Variants in LPAR1 observed in about 807,000 individuals in gnomAD.
The protein encoded by LPAR1 is LPA receptor 1.
LPAR1 carries 5 observed loss-of-function variants against 23.8 expected under a neutral mutation model. That is an observed-to-expected ratio of 0.21 (90% CI 0.11 to 0.44). The LOEUF (loss-of-function observed/expected upper bound fraction) is 0.44. Ranked by LOEUF, LPAR1 falls within the 20% of genes least tolerant of loss-of-function variation. The pLI is 0.99. For missense variants in LPAR1, 311 were observed against 482.8 expected, an observed-to-expected ratio of 0.64 and a Z score of 3.33; for synonymous variants, 160 against 164.7, an observed-to-expected ratio of 0.97 and a Z score of 0.22.
chr9:110,947,428 G>A (rs1431489519), intron 4 of LPAR1, among the ~76,000 whole-genome samples: 1 of 152,160 alleles, frequency 6.6e-6, no homozygotes, highest in Non-Finnish European at 1.5e-5. Context: ...TTTTGTCTTA[G>A]GATGATAGGG....
At chr9:111,019,047 T>C (rs1246990839) in intron 2 of LPAR1, among the ~76,000 whole-genome samples, 1 of 152,126 alleles carries the variant, frequency 6.6e-6, no homozygotes, top group East Asian at 1.9e-4. Flanking sequence ...AAATAGAACA[T>C]AATAGAAATA....
intron 5 of LPAR1, among the ~76,000 whole-genome samples, chr9:110,881,270 T>C (rs969928980): frequency 3.9e-5 from 6 of 152,228 alleles, no homozygotes; most frequent in Non-Finnish European, 8.8e-5. Context: ...ATTTCATTTA[T>C]TGTATGATGT....
chr9:111,005,622 T>TTTTTCC (rs1236436148), intron 2 of LPAR1, among the ~76,000 whole-genome samples: 1 of 148,156 alleles, frequency 6.7e-6, no homozygotes, highest in Admixed American at 6.7e-5. Flanking sequence ...CCTTTGTACA[T>TTTTTCC]TCCCCAAGAC....
chr9:110,986,468 G>C (rs2096783543), intron 2 of LPAR1, among the ~76,000 whole-genome samples: 1 of 152,096 alleles, frequency 6.6e-6, no homozygotes, highest in Admixed American at 6.6e-5. Flanking sequence ...ACTTTGAGAG[G>C]CCAAGGCCGG....
intron 2 of LPAR1, among the ~76,000 whole-genome samples, chr9:111,029,216 G>A (rs2141450876): frequency 6.6e-6 from 1 of 152,210 alleles, no homozygotes; most frequent in South Asian, 2.1e-4. Context: ...TAGCAATTAT[G>A]CCTGAATACT....
chr9:111,037,146 G>A lies in LPAR1; in HGVS notation c.-261-945C>T, dbSNP rs567236479. ...TGCTTAGCTGAGCAAACACACTTATGCAAATACGTGAAAAACAAACTGTTA... is the reference window on the plus strand; with the variant it reads ...TGCTTAGCTGAGCAAACACACTTATACAAATACGTGAAAAACAAACTGTTA... On this transcript the variant is annotated intron_variant, in intron 1 of 5. Transcript: ENST00000683809. Among the ~76,000 whole-genome samples, 5 of 152,298 alleles carry A rather than the reference G, an allele frequency of 3.3e-5. No homozygotes were observed. The South Asian group carries it at 1.0e-3, about 32-fold the overall frequency.
rs192318256 is a variant in LPAR1 at position 110,966,056 on chromosome 9, A to G, written c.45+6017T>C. On this transcript the variant is annotated intron_variant, in intron 4 of 5. Coordinates refer to ENST00000683809, the MANE Select transcript of LPAR1 (RefSeq NM_001351411.2). ...AACCAAGTACCACATATTCTCACTCATAAGTGGGAGATGAACAATGAGAAC... is the reference window on the plus strand; with the variant it reads ...AACCAAGTACCACATATTCTCACTCGTAAGTGGGAGATGAACAATGAGAAC... 7.2e-4 allele frequency among the ~76,000 whole-genome samples: 110 copies of G among 152,318 alleles called. 1 individual carries two copies. In the East Asian group the frequency reaches 0.018, roughly 25 times the overall value.
At chr9:110,878,874 A>T (rs2132375435) in intron 5 of LPAR1, among the ~76,000 whole-genome samples, 1 of 152,300 alleles carries the variant, frequency 6.6e-6, no homozygotes, top group Non-Finnish European at 1.5e-5. Context: ...TCCTGATTAT[A>T]AAGAGATTCC....
intron 4 of LPAR1, among the ~76,000 whole-genome samples, chr9:110,956,092 A>G (rs1330444030): frequency 1.3e-5 from 2 of 152,198 alleles, no homozygotes; most frequent in Non-Finnish European, 2.9e-5. Flanking sequence ...TTGCAGGGAC[A>G]TGGATGAAGC....
At chr9:111,038,849 C>T (rs2097949935), upstream of LPAR1, 1 of 325,198 alleles carries the variant, frequency 3.1e-6, no homozygotes, top group Non-Finnish European at 6.1e-6. This position sits in a 1 kb window ranked among gnomAD's most constrained non-coding sequence, Gnocchi z 4.4. Flanking sequence ...CGGGTCCCAC[C>T]CCCGCCCCTC....
intron 2 of LPAR1, among the ~76,000 whole-genome samples, chr9:110,998,434 T>A (rs1564294608): frequency 6.6e-6 from 1 of 152,200 alleles, no homozygotes; most frequent in Non-Finnish European, 1.5e-5. Context: ...GAGAGAACTT[T>A]TGAATTATTC....
At chr9:110,996,458 C>G (rs1033491362) in intron 2 of LPAR1, among the ~76,000 whole-genome samples, 7 of 151,772 alleles carry the variant, frequency 4.6e-5, no homozygotes, top group African/African-American at 1.7e-4. Flanking sequence ...CAAAAGGAGT[C>G]CGCTTACAAA....
intron 2 of LPAR1, among the ~76,000 whole-genome samples, chr9:110,974,580 G>A (rs934260796): frequency 9.2e-5 from 14 of 152,136 alleles, no homozygotes; most frequent in Non-Finnish European, 1.6e-4. Context: ...TAGAACTGTA[G>A]AGCCTTCCTA....
chr9:110,933,767 A>C (rs2094532403), intron 5 of LPAR1, among the ~76,000 whole-genome samples: 1 of 152,244 alleles, frequency 6.6e-6, no homozygotes, highest in Admixed American at 6.5e-5. Flanking sequence ...CAAGGCCTGA[A>C]TCACTCTCAA....
chr9:111,014,713 C>G (rs935828411), intron 2 of LPAR1, among the ~76,000 whole-genome samples: 1 of 151,990 alleles, frequency 6.6e-6, no homozygotes, highest in African/African-American at 2.4e-5. Context: ...TTTATCCATG[C>G]CCATGATTTT....
At chr9:110,945,439 TAGAAAG>T (rs1263388204) in intron 4 of LPAR1, 1 of 152,086 alleles carries the variant, frequency 6.6e-6, no homozygotes, top group Non-Finnish European at 1.5e-5. Context: ...AAAGAAGAGA[TAGAAAG>T]AGAAAAAGAT....
intron 5 of LPAR1, among the ~76,000 whole-genome samples, chr9:110,901,878 T>G (rs2089221464): frequency 6.6e-6 from 1 of 152,048 alleles, no homozygotes; most frequent in South Asian, 2.1e-4. Context: ...CTATAATGAG[T>G]AGTCTTAAGG....
Position 110,971,844 on chromosome 9 carries a change from G to T in LPAR1, c.45+229C>A, listed in dbSNP as rs148993345. Among the ~76,000 whole-genome samples the T allele has an allele frequency of 4.0e-5, 6 of 149,838 alleles. No homozygotes were observed. The East Asian group carries it at 1.2e-3, about 29-fold the overall frequency. On this transcript the variant is annotated intron_variant, in intron 4 of 5. Coordinates refer to ENST00000683809, the MANE Select transcript of LPAR1 (RefSeq NM_001351411.2). The stretch of plus-strand genomic sequence containing the variant: ...GACATCCTAAGCACTGAAAACCAAG[G>T]CCTCCTATGAACAGAGGCCAGTTCA...
chr9:110,917,829 TC>T (rs1448195785), intron 5 of LPAR1, among the ~76,000 whole-genome samples: 1 of 152,174 alleles, frequency 6.6e-6, no homozygotes, highest in Non-Finnish European at 1.5e-5. Flanking sequence ...GATTTCTTTT[TC>T]CCTTTCCCTC....
Sources: gnomAD v4.1 joint callset for allele counts (sites outside exome capture counted in the v4.1 genomes callset) on GRCh38, gnomAD v4.1.1 for gene constraint, Gnocchi (gnomAD v3.1) non-coding constraint, MANE v1.5 for transcripts, NCBI Gene and HGNC (gene_info 2026-07-23, HGNC 2026-07-21) for gene names.